Variants in TLK1 observed in about 807,000 individuals in gnomAD.
TLK1 encodes the protein serine/threonine-protein kinase tousled-like 1.
A neutral mutation model predicts 105.3 loss-of-function variants in TLK1; 24 were observed. That is an observed-to-expected ratio of 0.23 (90% CI 0.17 to 0.32). The LOEUF (loss-of-function observed/expected upper bound fraction) is 0.32, where lower values mean the gene tolerates loss of function less well. TLK1 is among the 10% of genes least tolerant of loss of function. The pLI is 1.00. For missense variants in TLK1, 558 were observed against 910.5 expected (o/e 0.61, Z 4.98); for synonymous variants, 321 against 310.4 (o/e 1.03, Z -0.36).
At chr2:171,090,379 A>G (rs1462075887) in intron 2 of TLK1, among the ~76,000 whole-genome samples, 1 of 151,932 alleles carries the variant, frequency 6.6e-6, no homozygotes, top group Non-Finnish European at 1.5e-5. Context: ...TTATTTTTAG[A>G]TTCCTTGTGA....
At chr2:171,137,923 C>T (rs1444639038) in intron 1 of TLK1, among the ~76,000 whole-genome samples, 1 of 151,392 alleles carries the variant, frequency 6.6e-6, no homozygotes, top group Non-Finnish European at 1.5e-5. Context: ...TCTTTGAGCA[C>T]TCTTAATAAA....
rs564826653 is a variant in TLK1 at position 171,034,432 on chromosome 2, T to C, written c.1170-6027A>G. 1.5e-3 allele frequency among the ~76,000 whole-genome samples: 224 copies of C among 152,334 alleles called. 2 individuals are homozygous for C. The highest frequency in any genetic ancestry group is 5.6e-3 in the South Asian group (27 of 4,830). On this transcript the variant is annotated intron_variant, in intron 11 of 20. Transcript: ENST00000431350. The stretch of plus-strand genomic sequence containing the variant: ...ATAAAAAGAATGAAGTACTGATACA[T>C]GCTACAACATGAATATATTTTGAAA...
At chr2:171,162,116 T>G (rs932679191), upstream of TLK1, among the ~76,000 whole-genome samples, 1 of 152,220 alleles carries the variant, frequency 6.6e-6, no homozygotes, top group Non-Finnish European at 1.5e-5. Context: ...CCAGAAGTAA[T>G]TGTAGTTGCC....
chr2:171,212,804 T>C (rs1243693578), intron 1 of TLK1, among the ~76,000 whole-genome samples: 1 of 152,156 alleles, frequency 6.6e-6, no homozygotes, highest in Non-Finnish European at 1.5e-5. Flanking sequence ...TAGCAAGATA[T>C]TTGAGCTTCC....
chr2:171,058,978 A>G (rs1366130100), intron 4 of TLK1, among the ~76,000 whole-genome samples: 2 of 152,216 alleles, frequency 1.3e-5, no homozygotes, highest in Non-Finnish European at 2.9e-5. Context: ...TATTTAACAA[A>G]TATTTCTTAA....
chr2:171,153,254 C>G (rs1220125445), intron 1 of TLK1, among the ~76,000 whole-genome samples: 1 of 152,192 alleles, frequency 6.6e-6, no homozygotes, highest in East Asian at 1.9e-4. Flanking sequence ...CTTCAGTTTT[C>G]TCATCTGAAG....
chr2:171,150,130 T>A (rs1337867648), intron 1 of TLK1, among the ~76,000 whole-genome samples: 1 of 152,156 alleles, frequency 6.6e-6, no homozygotes, highest in African/African-American at 2.4e-5. Context: ...TAAGATGAGT[T>A]GAACCCTACC....
intron 1 of TLK1, among the ~76,000 whole-genome samples, chr2:171,149,233 G>A (rs1189880583): frequency 1.3e-5 from 2 of 150,476 alleles, no homozygotes; most frequent in Non-Finnish European, 2.9e-5. Flanking sequence ...CGGGCAGGGA[G>A]AAGCAGCAGC....
chr2:171,031,608 T>C (rs1686049658), intron 11 of TLK1, among the ~76,000 whole-genome samples: 1 of 152,206 alleles, frequency 6.6e-6, no homozygotes, highest in African/African-American at 2.4e-5. Context: ...TATGCACACA[T>C]AACAATGTAT....
upstream of TLK1, among the ~76,000 whole-genome samples, chr2:171,163,873 C>T (rs1480169175): frequency 6.6e-6 from 1 of 151,964 alleles, no homozygotes; most frequent in Non-Finnish European, 1.5e-5. Flanking sequence ...CTGCAGATGC[C>T]TATCACAATG....
At chr2:171,081,626 C>T in intron 3 of TLK1, 3 of 1,301,506 alleles carry the variant, frequency 2.3e-6, no homozygotes, top group Non-Finnish European at 3.0e-6. Context: ...GCTACAGGGG[C>T]TACTAACGCT....
At chr2:171,113,881 G>A (rs1440025534) in intron 2 of TLK1, among the ~76,000 whole-genome samples, 1 of 152,174 alleles carries the variant, frequency 6.6e-6, no homozygotes, top group African/African-American at 2.4e-5. Flanking sequence ...CAAGGTCTAT[G>A]AGATCAAATT....
chr2:171,097,857 G>A (rs35988467), intron 2 of TLK1, among the ~76,000 whole-genome samples: 59,145 of 151,698 alleles, frequency 0.39, 12,902 homozygotes, highest in African/African-American at 0.57. Context: ...CCTGGGAGGC[G>A]GAGGCTGCAG....
intron 2 of TLK1, among the ~76,000 whole-genome samples, chr2:171,089,628 T>A (rs1352185590): frequency 6.6e-6 from 1 of 152,208 alleles, no homozygotes; most frequent in African/African-American, 2.4e-5. Flanking sequence ...CATTGGTCTA[T>A]TTTTCTATCC....
intron 2 of TLK1, among the ~76,000 whole-genome samples, chr2:171,089,365 G>C (rs748201060): frequency 7.2e-5 from 11 of 152,150 alleles, no homozygotes; most frequent in Non-Finnish European, 1.2e-4. Flanking sequence ...AGGTAATGAA[G>C]ACAGTCTATT....
chr2:171,096,103 G>T (rs550998559), intron 2 of TLK1, among the ~76,000 whole-genome samples: 80 of 152,284 alleles, frequency 5.3e-4, no homozygotes, highest in African/African-American at 1.9e-3. Flanking sequence ...ATTTGCAGAT[G>T]ACATAATTGT....
chr2:171,121,325 A>G (rs1690643546), intron 1 of TLK1, among the ~76,000 whole-genome samples: 1 of 152,186 alleles, frequency 6.6e-6, no homozygotes. Context: ...TGAGTCCAGG[A>G]GTTCAAGATC....
chr2:171,096,837 C>T (rs757063813), intron 2 of TLK1, among the ~76,000 whole-genome samples: 2 of 151,426 alleles, frequency 1.3e-5, no homozygotes, highest in Non-Finnish European at 2.9e-5. Flanking sequence ...AAATTGAAGA[C>T]AATACAAATG....
chr2:171,130,808 A>G (rs1691075115), intron 1 of TLK1, among the ~76,000 whole-genome samples: 1 of 152,108 alleles, frequency 6.6e-6, no homozygotes, highest in South Asian at 2.1e-4. Flanking sequence ...ATCCTGCTTG[A>G]TGAAAACTAA....
Sources: allele counts gnomAD v4.1 joint callset (sites outside exome capture counted in the v4.1 genomes callset), GRCh38; gene constraint gnomAD v4.1.1; transcripts MANE v1.5; gene names NCBI Gene and HGNC (gene_info 2026-07-23, HGNC 2026-07-21).